The following MAU2 variants were observed in gnomAD, a reference collection of about 807,000 sequenced individuals.
The protein encoded by MAU2 is MAU2 sister chromatid cohesion factor.
MAU2 carries 9 observed loss-of-function variants against 89.1 expected under a neutral mutation model. The observed-to-expected ratio is 0.10, with a 90% confidence interval of 0.06 to 0.18. The LOEUF (loss-of-function observed/expected upper bound fraction) is 0.18, where lower values mean the gene tolerates loss of function less well. Among genes scored for constraint, MAU2 ranks in the 10% least tolerant of loss-of-function variants. The pLI is 1.00. For synonymous variants in MAU2, 357 were observed against 343.4 expected (o/e 1.04, Z -0.44); for missense variants, 425 against 803.5 (o/e 0.53, Z 5.69).
At chr19:19,326,706 A>ATATATATATACACACATATATATATGTG (rs1555792839) in intron 1 of MAU2, among the ~76,000 whole-genome samples, 2 of 87,012 alleles carry the variant, frequency 2.3e-5, no homozygotes, top group African/African-American at 7.0e-5. Context: ...ATATATGTAT[A>ATATATATATACACACATATATATATGTG]TATATATATA....
At chr19:19,352,516 C>G (rs1458334298) in intron 16 of MAU2, 1 of 152,336 alleles carries the variant, frequency 6.6e-6, no homozygotes, top group African/African-American at 2.4e-5. Context: ...CTAGAATGTG[C>G]TATCACCCTG....
chr19:19,337,008 T>C (rs2061602193), intron 3 of MAU2, among the ~76,000 whole-genome samples, 162 bp from the exon 4 acceptor site: 1 of 152,238 alleles, frequency 6.6e-6, no homozygotes, highest in Admixed American at 6.5e-5. Flanking sequence ...AAAATATCTT[T>C]TTTTACTTTT....
At chr19:19,334,480 G>A in intron 1 of MAU2, 6 of 985,974 alleles carry the variant, frequency 6.1e-6, no homozygotes, top group Non-Finnish European at 6.0e-6. Flanking sequence ...CCTTGCCCTA[G>A]AGATCTCCAG....
At chr19:19,349,556 C>A in intron 16 of MAU2, 120 bp downstream of exon 16, 1 of 836,372 alleles carries the variant, frequency 1.2e-6, no homozygotes, top group Admixed American at 2.2e-5. Flanking sequence ...TCGAAGAGCA[C>A]GTCTAGGTGG....
In MAU2 at chr19:19,337,279, C is replaced by T; in HGVS notation, c.456+14C>T. 6.2e-7 allele frequency: 1 copy of T among 1,608,594 alleles called. No individual in the cohort carries two copies. The highest frequency in any genetic ancestry group is 2.2e-5 in the East Asian group (1 of 44,860). On this transcript the variant is annotated intron_variant, in intron 4 of 18. Coordinates refer to ENST00000262815, the MANE Select transcript of MAU2 (RefSeq NM_015329.4). ...TTCCAGCTCGCTGTGAGTACCGCGG[C>T]CCGGGAACGAGGGTGCCCGGCAGGG... is the stretch of plus-strand genomic sequence containing the variant.
At chr19:19,343,256 A>T (rs1204050982) in intron 9 of MAU2, among the ~76,000 whole-genome samples, 1 of 152,212 alleles carries the variant, frequency 6.6e-6, no homozygotes, top group Non-Finnish European at 1.5e-5. Context: ...TCAAGTGTCT[A>T]ATCCATCCAG....
intron 1 of MAU2, among the ~76,000 whole-genome samples, chr19:19,332,434 T>G (rs1209817179): frequency 1.3e-5 from 2 of 151,606 alleles, no homozygotes; most frequent in Admixed American, 6.6e-5. Flanking sequence ...TTTGTATGTA[T>G]TTGAAGTGGG....
intron 1 of MAU2, among the ~76,000 whole-genome samples, chr19:19,326,817 A>G (rs560257132): frequency 6.7e-6 from 1 of 148,440 alleles, no homozygotes; most frequent in East Asian, 2.0e-4. Context: ...TTCTTGAGCC[A>G]GGAAGTTGAG....
At position 19,343,999 on chromosome 19, in the gene MAU2, T is replaced by C; in HGVS notation, c.1077+59T>C. The C allele has an allele frequency of 3.5e-6, 5 of 1,409,574 alleles. No homozygotes were observed. In the South Asian group the frequency reaches 5.8e-5, roughly 16 times the overall value. The allele number at this position is 1,409,574 out of a possible 1,614,324, so 87.3% of individuals were successfully genotyped here. On this transcript the variant is annotated intron_variant, in intron 10 of 18. Transcript: ENST00000262815. ...AGGAGTTTGTTGGGTCTCAGCAGTGTCAGACAAGAGACTGAATTCGCCAAG... is the reference window on the plus strand; with the variant it reads ...AGGAGTTTGTTGGGTCTCAGCAGTGCCAGACAAGAGACTGAATTCGCCAAG...
intron 1 of MAU2, chr19:19,334,539 C>T (rs1199192693): frequency 1.3e-5 from 13 of 985,552 alleles, no homozygotes; most frequent in Non-Finnish European, 1.4e-5. Flanking sequence ...CTGGCTCCTC[C>T]GCACTCCCTT....
intron 6 of MAU2, 29 bp downstream of exon 6, chr19:19,340,902 C>T (rs2061639493): frequency 1.2e-6 from 2 of 1,612,394 alleles, no homozygotes; most frequent in African/African-American, 1.3e-5. Flanking sequence ...TGGCTGGATG[C>T]AGCTGGTGTT....
At chr19:19,349,975 ATTT>A (rs34536394) in intron 16 of MAU2, among the ~76,000 whole-genome samples, 4 of 111,226 alleles carry the variant, frequency 3.6e-5, no homozygotes, top group Admixed American at 9.6e-5. Context: ...GAGGTCTTGA[ATTT>A]TTTTTTTTTT....
chr19:19,344,815 A>G, intron 10 of MAU2, 34 bp from the exon 11 acceptor site: 1 of 1,582,722 alleles, frequency 6.3e-7, no homozygotes, highest in Non-Finnish European at 8.7e-7. Flanking sequence ...CCCAGGTTGC[A>G]GTCCTGTGAT....
chr19:19,351,446 G>A (rs2061743524), intron 16 of MAU2, among the ~76,000 whole-genome samples: 2 of 151,898 alleles, frequency 1.3e-5, no homozygotes, highest in Admixed American at 1.3e-4. Flanking sequence ...GAGGTGGAAG[G>A]ATCATTTGAG....
intron 5 of MAU2, 91 bp from the exon 6 acceptor site, chr19:19,340,755 A>G (rs1232555622): frequency 2.2e-6 from 3 of 1,370,730 alleles, no homozygotes; most frequent in Non-Finnish European, 3.1e-6. Flanking sequence ...CTGAGGTGGC[A>G]TATTAGGTCC....
chr19:19,355,446 A>G, intron 18 of MAU2, 55 bp downstream of exon 18: 2 of 1,601,092 alleles, frequency 1.2e-6, no homozygotes, highest in Non-Finnish European at 1.7e-6. Flanking sequence ...CCCCACCTGC[A>G]AGAGGAAGGG....
chr19:19,333,386 T>G (rs775449026), intron 1 of MAU2, among the ~76,000 whole-genome samples: 5 of 152,056 alleles, frequency 3.3e-5, no homozygotes, highest in Non-Finnish European at 5.9e-5. Flanking sequence ...CTCAGGAGGC[T>G]GAGGTGGGAG....
At chr19:19,350,265 C>T (rs1457988725) in intron 16 of MAU2, among the ~76,000 whole-genome samples, 5 of 136,844 alleles carry the variant, frequency 3.7e-5, no homozygotes, top group Middle Eastern at 9.3e-3. Context: ...CGCTGCACTC[C>T]AGCCTGGGCA....
chr19:19,321,384 C>A, intron 1 of MAU2: 1 of 460,244 alleles, frequency 2.2e-6, no homozygotes, highest in Non-Finnish European at 3.8e-6. Flanking sequence ...GCCCCGTCAC[C>A]GTACTCTGAA....
Sources: gnomAD v4.1 joint callset for allele counts (sites outside exome capture counted in the v4.1 genomes callset) on GRCh38, gnomAD v4.1.1 for gene constraint, MANE v1.5 for transcripts, NCBI Gene and HGNC (gene_info 2026-07-23, HGNC 2026-07-21) for gene names.